ZPBP: variants seen among roughly 807,000 people sequenced by gnomAD.
ZPBP encodes the protein zona pellucida binding protein.
Under a neutral mutation model 44.8 loss-of-function variants are expected in ZPBP, and 26 were observed. That is an observed-to-expected ratio of 0.58 (90% confidence interval 0.43 to 0.81). ZPBP has a LOEUF of 0.81. ZPBP is among the 30% of genes least tolerant of loss of function. The pLI is 0.00. For synonymous variants in ZPBP, 174 were observed against 153.2 expected (o/e 1.14, Z -1.00); for missense variants, 409 against 434.0 (o/e 0.94, Z 0.51).
chr7:49,854,049 CT>C (rs572763437), intron 2 of ZPBP, among the ~76,000 whole-genome samples: 4,140 of 151,938 alleles, frequency 0.027, 159 homozygotes, highest in South Asian at 0.12. Flanking sequence ...TGAACTCATC[CT>C]TTTTTATGGC....
chr7:49,913,635 C>T (rs1793573617), intron 1 of ZPBP: 1 of 152,052 alleles, frequency 6.6e-6, no homozygotes, highest in Non-Finnish European at 1.5e-5. Context: ...GATTTCTTGC[C>T]TTCTTGGACT....
intron 6 of ZPBP, among the ~76,000 whole-genome samples, chr7:49,984,744 G>A (rs1181308540): frequency 6.6e-6 from 1 of 152,106 alleles, no homozygotes; most frequent in Non-Finnish European, 1.5e-5. Context: ...CGAGGCCTGG[G>A]GATTGGGGAC....
At chr7:49,974,289 T>C (rs1472288403) in intron 7 of ZPBP, among the ~76,000 whole-genome samples, 1 of 152,172 alleles carries the variant, frequency 6.6e-6, no homozygotes, top group African/African-American at 2.4e-5. Flanking sequence ...AACTGTATAT[T>C]TTATGCCATG....
chr7:50,039,937 T>C (rs573869987), intron 4 of ZPBP, among the ~76,000 whole-genome samples: 1 of 152,214 alleles, frequency 6.6e-6, no homozygotes, highest in Non-Finnish European at 1.5e-5. Context: ...CTGATTCTGA[T>C]AGGTTAATAT....
intron 3 of ZPBP, among the ~76,000 whole-genome samples, chr7:50,059,698 T>C (rs537823926): frequency 1.4e-4 from 22 of 152,294 alleles, no homozygotes; most frequent in African/African-American, 4.8e-4. Flanking sequence ...TTGAAATGAA[T>C]GTTTCCCACA....
chr7:49,981,852 T>C lies in ZPBP; in HGVS notation c.961+1490A>G, dbSNP rs1166508805. 4.6e-5 allele frequency among the ~76,000 whole-genome samples: 2 copies of C among 43,610 alleles called. 1 individual carries two copies. Among genetic ancestry groups the C allele is most frequent in the Non-Finnish European group, 7.4e-5 (2 of 27,036 alleles). 28.6% of individuals were successfully genotyped at this position (43,610 alleles called of 152,430 possible). ...ATGAATTATATAGATTATATAATTA[T>C]ATGAATTATATAGATTATATAATTA... On this transcript the variant is annotated intron_variant, in intron 7 of 7. Coordinates refer to ENST00000046087, the MANE Select transcript of ZPBP (RefSeq NM_007009.3).
intron 1 of ZPBP, chr7:49,913,139 G>C (rs971321479): frequency 2.0e-5 from 3 of 152,152 alleles, no homozygotes; most frequent in African/African-American, 7.2e-5. Flanking sequence ...TTTGTCATCA[G>C]ACTTGAGTCA....
At chr7:49,958,799 A>C (rs1795721057) in intron 7 of ZPBP, among the ~76,000 whole-genome samples, 1 of 152,226 alleles carries the variant, frequency 6.6e-6, no homozygotes. Context: ...ATATCGGAGG[A>C]CAAAATAATA....
At chr7:49,921,735 C>T (rs946315532) in intron 1 of ZPBP, 4 of 151,922 alleles carry the variant, frequency 2.6e-5, no homozygotes, top group Non-Finnish European at 5.9e-5. Flanking sequence ...ATTTAGTGCT[C>T]ATTTGAAAAA....
At chr7:50,028,996 A>G (rs957317368) in intron 5 of ZPBP, among the ~76,000 whole-genome samples, 1 of 152,196 alleles carries the variant, frequency 6.6e-6, no homozygotes, top group African/African-American at 2.4e-5. Flanking sequence ...AGATGCTAAA[A>G]ATCATATGGA....
chr7:50,078,630 C>T (rs959009706), intron 3 of ZPBP, among the ~76,000 whole-genome samples: 3 of 151,004 alleles, frequency 2.0e-5, no homozygotes, highest in African/African-American at 4.8e-5. Flanking sequence ...ATCTAGGAAA[C>T]ACCACTCTGA....
At chr7:49,964,121 A>G (rs1394294972) in intron 7 of ZPBP, among the ~76,000 whole-genome samples, 1 of 151,924 alleles carries the variant, frequency 6.6e-6, no homozygotes, top group African/African-American at 2.4e-5. Context: ...ATCTCAGTAA[A>G]CTAAGAATAA....
At chr7:49,906,356 A>AC (rs1718744183) in intron 1 of ZPBP, among the ~76,000 whole-genome samples, 1 of 152,024 alleles carries the variant, frequency 6.6e-6, no homozygotes, top group African/African-American at 2.4e-5. Flanking sequence ...TTTTTTTGAG[A>AC]CAGAGTCTTG....
chr7:50,075,859 T>C (rs1802051011), intron 3 of ZPBP, among the ~76,000 whole-genome samples: 1 of 151,952 alleles, frequency 6.6e-6, no homozygotes, highest in Admixed American at 6.6e-5. Context: ...ACTCAAACAA[T>C]TCTGAAAAAT....
At chr7:50,075,119 T>C (rs1802019181) in intron 3 of ZPBP, among the ~76,000 whole-genome samples, 1 of 151,786 alleles carries the variant, frequency 6.6e-6, no homozygotes, top group Non-Finnish European at 1.5e-5. Flanking sequence ...ATAAGAGAAA[T>C]TTTAGAAACT....
intron 4 of ZPBP, among the ~76,000 whole-genome samples, chr7:50,041,438 G>T (rs1395414788): frequency 2.0e-5 from 3 of 152,180 alleles, no homozygotes; most frequent in Admixed American, 2.0e-4. Context: ...GGTGCCCTCT[G>T]TGATGAAGCT....
intron 2 of ZPBP, among the ~76,000 whole-genome samples, chr7:49,895,566 C>T (rs1348449560): frequency 6.6e-6 from 1 of 152,156 alleles, no homozygotes; most frequent in African/African-American, 2.4e-5. Flanking sequence ...AGCATTATAT[C>T]CTATAGCAAT....
chr7:49,966,430 T>C (rs1796065406), intron 7 of ZPBP, among the ~76,000 whole-genome samples: 1 of 152,112 alleles, frequency 6.6e-6, no homozygotes, highest in African/African-American at 2.4e-5. Flanking sequence ...AAAATATATA[T>C]ACCATACACC....
chr7:49,844,714 C>T, the ZPBP span, among the ~76,000 whole-genome samples: 9 of 151,872 alleles, frequency 5.9e-5, no homozygotes, highest in African/African-American at 1.9e-4. Context: ...TTTTTTGAGA[C>T]GGAGTTTGGC....
Sources: allele counts gnomAD v4.1 joint callset (sites outside exome capture counted in the v4.1 genomes callset), GRCh38; gene constraint gnomAD v4.1.1; transcripts MANE v1.5; gene names NCBI Gene and HGNC (gene_info 2026-07-23, HGNC 2026-07-21).